KALRN: variants seen among roughly 807,000 people sequenced by gnomAD.
The protein encoded by KALRN is kalirin.
In KALRN, 70 loss-of-function variants were observed where a neutral mutation model predicts 353.7. That is an observed-to-expected ratio of 0.20 (90% CI 0.16 to 0.24). The LOEUF (loss-of-function observed/expected upper bound fraction) is 0.24. Ranked by LOEUF, KALRN falls within the 10% of genes least tolerant of loss-of-function variation. The probability of loss-of-function intolerance (pLI) is 1.00; values close to 1 mark genes in which losing one functional copy is unlikely to be tolerated. For synonymous variants in KALRN, 1,391 were observed against 1,434.8 expected (o/e 0.97, Z 0.69); for missense variants, 2,791 against 3,756.7 (o/e 0.74, Z 6.72).
At chr3:124,575,609 T>C (rs2074012910) in intron 34 of KALRN, among the ~76,000 whole-genome samples, 1 of 152,146 alleles carries the variant, frequency 6.6e-6, no homozygotes, top group Non-Finnish European at 1.5e-5. Flanking sequence ...TGGGCTAAAA[T>C]CACAGTTTCA....
At chr3:124,066,347 G>C (rs1185859756) in intron 1 of KALRN, among the ~76,000 whole-genome samples, 3 of 152,204 alleles carry the variant, frequency 2.0e-5, no homozygotes, top group African/African-American at 7.2e-5. Context: ...GCATAGTATA[G>C]AGATTTTCAG....
At chr3:124,164,828 T>A (rs2070559964) in intron 1 of KALRN, 1 of 152,230 alleles carries the variant, frequency 6.6e-6, no homozygotes, top group Admixed American at 6.5e-5. Flanking sequence ...CGGCTTTTGT[T>A]ATTTAAGTCA....
At chr3:124,155,003 T>C (rs950923518) in intron 1 of KALRN, among the ~76,000 whole-genome samples, 4 of 152,180 alleles carry the variant, frequency 2.6e-5, no homozygotes, top group African/African-American at 9.7e-5. Context: ...AAACAAGCAA[T>C]GGGGAAAGGA....
At chr3:124,304,391 A>G (rs1197089718) in intron 6 of KALRN, among the ~76,000 whole-genome samples, 12 of 152,188 alleles carry the variant, frequency 7.9e-5, no homozygotes, top group Admixed American at 6.5e-4. Context: ...CTCTGGGAGT[A>G]GGACCCCAGG....
intron 1 of KALRN, among the ~76,000 whole-genome samples, chr3:124,129,046 G>T (rs141649991): frequency 2.6e-4 from 40 of 152,152 alleles, no homozygotes; most frequent in Admixed American, 2.6e-3. Flanking sequence ...GAAATTGAGG[G>T]CATAGAGGCT....
intron 34 of KALRN, among the ~76,000 whole-genome samples, chr3:124,625,376 A>G (rs2079824559): frequency 6.6e-6 from 1 of 152,168 alleles, no homozygotes; most frequent in South Asian, 2.1e-4. Flanking sequence ...GAGCCCAGAA[A>G]ATGAGTGTTT....
chr3:124,194,517 ATCTTATT>A (rs1287467120), intron 1 of KALRN, among the ~76,000 whole-genome samples: 1 of 152,210 alleles, frequency 6.6e-6, no homozygotes, highest in Non-Finnish European at 1.5e-5. Context: ...GAAGAGTTCA[ATCTTATT>A]TCTTCCTACA....
intron 1 of KALRN, among the ~76,000 whole-genome samples, chr3:124,154,589 T>C (rs1464591449): frequency 6.6e-6 from 1 of 152,052 alleles, no homozygotes; most frequent in East Asian, 1.9e-4. Context: ...GAACTACAAA[T>C]CACTGCTCAA....
chr3:124,265,295 A>ATTTTTTTTTTTTTTTTTTTTTTTTTTTTT (rs1465968614), intron 4 of KALRN, among the ~76,000 whole-genome samples: 1 of 61,094 alleles, frequency 1.6e-5, no homozygotes. Flanking sequence ...TTAAGAAAAT[A>ATTTTTTTTTTTTTTTTTTTTTTTTTTTTT]TTCTTTTTTT....
chr3:124,599,664 C>G (rs1046682903), intron 34 of KALRN, among the ~76,000 whole-genome samples: 5 of 152,200 alleles, frequency 3.3e-5, no homozygotes, highest in African/African-American at 9.7e-5. Context: ...GTGGCCTTTA[C>G]GATCTTTTCC....
intron 25 of KALRN, among the ~76,000 whole-genome samples, chr3:124,474,455 A>G (rs2061246784): frequency 6.6e-6 from 1 of 150,486 alleles, no homozygotes; most frequent in Non-Finnish European, 1.5e-5. Flanking sequence ...AAAGAATATT[A>G]TTTTAAGTAG....
chr3:124,646,510 C>T (rs917066467), intron 37 of KALRN, among the ~76,000 whole-genome samples: 15 of 150,860 alleles, frequency 9.9e-5, no homozygotes, highest in Admixed American at 4.0e-4. Context: ...CCTACCTCAG[C>T]CTCCCGAGTA....
At chr3:124,157,266 G>A (rs532409401) in intron 1 of KALRN, among the ~76,000 whole-genome samples, 2 of 152,354 alleles carry the variant, frequency 1.3e-5, no homozygotes, top group African/African-American at 4.8e-5. Context: ...CACACAGGCA[G>A]TGGTGGAATA....
chr3:124,405,826 A>G (rs928795988), intron 13 of KALRN, among the ~76,000 whole-genome samples: 1 of 152,020 alleles, frequency 6.6e-6, no homozygotes, highest in East Asian at 1.9e-4. Context: ...TTGTATTTTT[A>G]GTAGAGATGA....
At chr3:124,425,773 T>C (rs1328607617) in intron 15 of KALRN, among the ~76,000 whole-genome samples, 4 of 152,188 alleles carry the variant, frequency 2.6e-5, no homozygotes, top group Admixed American at 2.6e-4. Context: ...TAGAAATATA[T>C]TTATTCTCCA....
At chr3:124,644,813 A>C (rs1221577211) in intron 37 of KALRN, among the ~76,000 whole-genome samples, 1 of 152,204 alleles carries the variant, frequency 6.6e-6, no homozygotes, top group African/African-American at 2.4e-5. Flanking sequence ...TTATAGTAGA[A>C]TGATTTGTAA....
intron 57 of KALRN, among the ~76,000 whole-genome samples, chr3:124,702,682 C>G (rs920244651): frequency 6.6e-6 from 1 of 152,120 alleles, no homozygotes; most frequent in Admixed American, 6.5e-5. Context: ...ACTGTGCAAT[C>G]ACTAATTGTT....
chr3:124,167,409 A>C (rs2071045057), intron 1 of KALRN, among the ~76,000 whole-genome samples: 1 of 152,224 alleles, frequency 6.6e-6, no homozygotes. Context: ...TGGACTCCCT[A>C]GAGAACACAG....
chr3:124,688,974 C>T (rs1053527752), intron 51 of KALRN, among the ~76,000 whole-genome samples: 6 of 152,188 alleles, frequency 3.9e-5, no homozygotes, highest in East Asian at 1.9e-4. Flanking sequence ...TGATGGATCA[C>T]ATTGTGGTGG....
Sources: gnomAD v4.1 joint callset for allele counts (sites outside exome capture counted in the v4.1 genomes callset) on GRCh38, gnomAD v4.1.1 for gene constraint, MANE v1.5 for transcripts, NCBI Gene and HGNC (gene_info 2026-07-23, HGNC 2026-07-21) for gene names.